The following TRAPPC8 variants were observed in gnomAD, a reference collection of about 807,000 sequenced individuals.
TRAPPC8 encodes the protein trafficking protein particle complex subunit 8, also known as general sporulation gene 1 homolog.
Under a neutral mutation model 174.3 loss-of-function variants are expected in TRAPPC8, and 54 were observed. The ratio of observed to expected loss-of-function variants is 0.31; its 90% CI spans 0.25 to 0.39. The LOEUF (loss-of-function observed/expected upper bound fraction) is 0.39. TRAPPC8 is among the 10% of genes least tolerant of loss of function. The pLI, the probability that TRAPPC8 is intolerant of heterozygous loss-of-function variation, is 1.00. For synonymous variants in TRAPPC8, 630 were observed against 579.9 expected (o/e 1.09, Z -1.24); for missense variants, 1,531 against 1,699.1 (o/e 0.90, Z 1.74).
intron 1 of TRAPPC8, among the ~76,000 whole-genome samples, chr18:31,931,890 G>A (rs562614402): frequency 6.6e-6 from 1 of 152,122 alleles, no homozygotes; most frequent in African/African-American, 2.4e-5. Flanking sequence ...ATTAACACTA[G>A]AAACAGTAAA....
intron 8 of TRAPPC8, 36 bp from the exon 9 acceptor site, chr18:31,907,646 A>AC (rs764100797): frequency 3.4e-6 from 5 of 1,484,996 alleles, no homozygotes; most frequent in South Asian, 1.3e-5. Context: ...ATAATTTATT[A>AC]CCCCCCAAAC....
chr18:31,908,483 A>T, intron 7 of TRAPPC8, 65 bp from the exon 8 acceptor site: 2 of 1,137,988 alleles, frequency 1.8e-6, no homozygotes, highest in South Asian at 3.6e-5. Context: ...TACATAAAAA[A>T]ATTTTAACTA....
intron 13 of TRAPPC8, chr18:31,873,984 T>C: frequency 5.6e-6 from 1 of 178,658 alleles, no homozygotes; most frequent in Non-Finnish European, 1.2e-5. Flanking sequence ...AAAACAATGC[T>C]TTATATGTTT....
rs780822332 is a variant in TRAPPC8 at position 31,852,500 on chromosome 18, G to C, written c.3507C>G (p.Ala1169=). 2 of 1,614,102 alleles carry C rather than the reference G, an allele frequency of 1.2e-6. No individual in the cohort carries two copies. The highest frequency in any genetic ancestry group is 1.1e-5 in the South Asian group (1 of 91,078). Residue 1169 remains alanine (A), a synonymous_variant, in exon 24 of 29, where the codon GCC becomes GCG. Transcript: ENST00000283351. Reference sequence around the variant, plus strand: ...AGGTATATTTTTCAGAGGACTGTGTGGCCGCTAAAAAACAGGGGAAAACAA... The same window carrying C: ...AGGTATATTTTTCAGAGGACTGTGTCGCCGCTAAAAAACAGGGGAAAACAA... ...KAIRCEKEEA[A]TQSSEKYTFA...
intron 1 of TRAPPC8, among the ~76,000 whole-genome samples, chr18:31,933,226 G>C (rs544758571): frequency 6.7e-6 from 1 of 150,294 alleles, no homozygotes; most frequent in Admixed American, 6.7e-5. Context: ...GTGTGAACCC[G>C]GCGGGCGGAG....
intron 9 of TRAPPC8, among the ~76,000 whole-genome samples, chr18:31,903,189 A>C (rs528209670): frequency 5.9e-5 from 9 of 152,106 alleles, no homozygotes; most frequent in Non-Finnish European, 1.3e-4. Flanking sequence ...ACCCAGAGAG[A>C]AGCTTTGGCC....
chr18:31,885,233 GA>G (rs2035650971), intron 12 of TRAPPC8, among the ~76,000 whole-genome samples: 1 of 152,188 alleles, frequency 6.6e-6, no homozygotes, highest in Non-Finnish European at 1.5e-5. Flanking sequence ...TGGACGGCAT[GA>G]AATGAGAACA....
intron 9 of TRAPPC8, 33 bp from the exon 10 acceptor site, chr18:31,901,058 A>G: frequency 6.5e-7 from 1 of 1,542,870 alleles, no homozygotes; most frequent in Non-Finnish European, 8.7e-7. Flanking sequence ...CATATTTCAA[A>G]AGAAGAAACA....
At chr18:31,848,839 G>GT (rs1324652206) in intron 25 of TRAPPC8, among the ~76,000 whole-genome samples, 1 of 152,078 alleles carries the variant, frequency 6.6e-6, no homozygotes, top group Non-Finnish European at 1.5e-5. Context: ...AGGGTGTAAC[G>GT]TAAGAATTAA....
At chr18:31,895,876 T>C (rs2036164838) in intron 11 of TRAPPC8, 1 of 152,216 alleles carries the variant, frequency 6.6e-6, no homozygotes, top group Non-Finnish European at 1.5e-5. Flanking sequence ...TATTAAACAT[T>C]TTAAATATCA....
At chr18:31,895,666 T>C (rs1034551343) in intron 11 of TRAPPC8, 3 of 152,216 alleles carry the variant, frequency 2.0e-5, no homozygotes, top group Non-Finnish European at 4.4e-5. Flanking sequence ...AGGAATTTTA[T>C]TGAAGCTCCT....
At chr18:31,854,857 T>C (rs945800268) in intron 21 of TRAPPC8, among the ~76,000 whole-genome samples, 15 of 144,816 alleles carry the variant, frequency 1.0e-4, no homozygotes, top group Non-Finnish European at 2.2e-4. Flanking sequence ...TCCCAGCTAC[T>C]AGGGAGGCTG....
Position 31,853,868 on chromosome 18 carries a change from T to A in TRAPPC8, c.3414A>T (p.Val1138=), listed in dbSNP as rs1268207803. Reference sequence around the variant, plus strand: ...ACAAACCTTTGTTTTCAGAAAGATTTACAGATTTCTGTAACTTCCAGTGTT... The same window carrying A: ...ACAAACCTTTGTTTTCAGAAAGATTAACAGATTTCTGTAACTTCCAGTGTT... ...SSKHWKLQKS[V]NLSENKDTKL... Residue 1138 remains valine, a synonymous_variant, in exon 22 of 29, where the codon GTA becomes GTT. Coordinates refer to ENST00000283351, the MANE Select transcript of TRAPPC8 (RefSeq NM_014939.5). 6.2e-7 allele frequency: 1 copy of A among 1,609,034 alleles called. No homozygotes were observed. Among genetic ancestry groups the A allele is most frequent in the Non-Finnish European group, 8.5e-7 (1 of 1,178,962 alleles).
intron 25 of TRAPPC8, among the ~76,000 whole-genome samples, chr18:31,848,834 G>A (rs1343128023): frequency 6.6e-6 from 1 of 152,140 alleles, no homozygotes; most frequent in Admixed American, 6.5e-5. Context: ...ACAAAAGGGT[G>A]TAACGTAAGA....
chr18:31,847,201 G>T (rs1050304085), intron 25 of TRAPPC8, among the ~76,000 whole-genome samples: 2 of 152,148 alleles, frequency 1.3e-5, no homozygotes, highest in Non-Finnish European at 2.9e-5. Context: ...AAATGTCCTA[G>T]GGTTTATCAC....
At chr18:31,910,948 A>G (rs748823759) in intron 5 of TRAPPC8, among the ~76,000 whole-genome samples, 2 of 152,334 alleles carry the variant, frequency 1.3e-5, no homozygotes, top group Non-Finnish European at 1.5e-5. Context: ...GTTCCTTCAC[A>G]TCCAACTGGT....
At chr18:31,935,848 G>A (rs1436099661) in intron 1 of TRAPPC8, among the ~76,000 whole-genome samples, 1 of 151,454 alleles carries the variant, frequency 6.6e-6, no homozygotes, top group Non-Finnish European at 1.5e-5. Flanking sequence ...CAATTCCCCT[G>A]CCTCAGCCTC....
intron 27 of TRAPPC8, among the ~76,000 whole-genome samples, chr18:31,837,629 C>T (rs542423822): frequency 4.6e-5 from 7 of 151,890 alleles, no homozygotes; most frequent in African/African-American, 1.7e-4. Context: ...ACCTGGGAGG[C>T]AGAGTTTGCA....
intron 16 of TRAPPC8, 97 bp downstream of exon 16, chr18:31,870,275 G>C: frequency 1.8e-6 from 2 of 1,102,300 alleles, no homozygotes; most frequent in Non-Finnish European, 2.4e-6. Flanking sequence ...AAACCAAAAA[G>C]AAGTATAGCT....
Sources: gnomAD v4.1 joint callset for allele counts (sites outside exome capture counted in the v4.1 genomes callset) on GRCh38, gnomAD v4.1.1 for gene constraint, MANE v1.5 for transcripts, NCBI Gene and HGNC (gene_info 2026-07-23, HGNC 2026-07-21) for gene names.